The following SMURF2 variants were observed in gnomAD, a reference collection of about 807,000 sequenced individuals.
SMURF2 encodes the protein SMAD specific E3 ubiquitin protein ligase 2.
In SMURF2, 48 loss-of-function variants were observed where a neutral mutation model predicts 109.6. The ratio of observed to expected loss-of-function variants is 0.44; its 90% CI spans 0.35 to 0.56. The LOEUF (loss-of-function observed/expected upper bound fraction) is 0.56. SMURF2 is among the 20% of genes least tolerant of loss of function. SMURF2 has a pLI of 0.01. For missense variants in SMURF2, 575 were observed against 909.0 expected (o/e 0.63, Z 4.72); for synonymous variants, 288 against 317.1 (o/e 0.91, Z 0.97).
chr17:64,621,159 A>C (rs1970195573), intron 1 of SMURF2, among the ~76,000 whole-genome samples: 1 of 152,178 alleles, frequency 6.6e-6, no homozygotes, highest in Admixed American at 6.5e-5. Context: ...ACTCTGAAAA[A>C]CTGTAGTCAC....
intron 1 of SMURF2, among the ~76,000 whole-genome samples, chr17:64,650,980 G>A (rs1970630344): frequency 6.6e-6 from 1 of 151,576 alleles, no homozygotes; most frequent in African/African-American, 2.4e-5. Context: ...GGGAGGCCGA[G>A]GTAGGCTGAT....
chr17:64,565,585 A>AAT (rs1196196301), intron 10 of SMURF2, among the ~76,000 whole-genome samples: 4 of 151,774 alleles, frequency 2.6e-5, no homozygotes, highest in African/African-American at 9.7e-5. Flanking sequence ...ATAAGTAATT[A>AAT]GTGTTACTGG....
intron 2 of SMURF2, among the ~76,000 whole-genome samples, chr17:64,604,018 A>G (rs924624685): frequency 2.0e-5 from 3 of 152,228 alleles, no homozygotes; most frequent in Non-Finnish European, 2.9e-5. Context: ...TAATAACTGC[A>G]CTGATCAATA....
At chr17:64,575,211 C>T (rs1341629262) in intron 9 of SMURF2, among the ~76,000 whole-genome samples, 7 of 151,512 alleles carry the variant, frequency 4.6e-5, no homozygotes, top group East Asian at 1.9e-4. Context: ...TGGAGTGCCA[C>T]GGTGCGATCT....
At chr17:64,586,276 T>C in intron 5 of SMURF2, 106 bp from the exon 6 acceptor site, 2 of 610,396 alleles carry the variant, frequency 3.3e-6, no homozygotes, top group Non-Finnish European at 5.4e-6. Flanking sequence ...ATTTTAATAC[T>C]TTAGAATGAA....
At chr17:64,585,055 C>T (rs1969634224) in intron 6 of SMURF2, among the ~76,000 whole-genome samples, 1 of 151,992 alleles carries the variant, frequency 6.6e-6, no homozygotes, top group African/African-American at 2.4e-5. Flanking sequence ...AATACCATAA[C>T]CTGGGTATAA....
At chr17:64,646,534 C>T (rs1970562173) in intron 1 of SMURF2, among the ~76,000 whole-genome samples, 1 of 151,944 alleles carries the variant, frequency 6.6e-6, no homozygotes, top group Admixed American at 6.6e-5. Context: ...GAGGTATGCA[C>T]CACACACCAG....
At chr17:64,656,632 A>G (rs1029588677) in intron 1 of SMURF2, among the ~76,000 whole-genome samples, 2 of 152,056 alleles carry the variant, frequency 1.3e-5, no homozygotes, top group African/African-American at 2.4e-5. Context: ...ACTCAGTAAC[A>G]CTATTTTTAT....
intron 10 of SMURF2, among the ~76,000 whole-genome samples, chr17:64,567,787 A>G (rs947595489): frequency 6.6e-6 from 1 of 151,352 alleles, no homozygotes; most frequent in Non-Finnish European, 1.5e-5. Context: ...GGTTCAAGCA[A>G]TTCTCCTGCC....
intron 1 of SMURF2, among the ~76,000 whole-genome samples, chr17:64,612,026 C>T (rs889650057): frequency 1.4e-4 from 21 of 152,174 alleles, no homozygotes; most frequent in Non-Finnish European, 2.8e-4. Flanking sequence ...TTCACCTACT[C>T]ATCTCCTGGT....
chr17:64,596,573 C>G (rs1555688114), intron 3 of SMURF2, among the ~76,000 whole-genome samples: 1 of 63,716 alleles, frequency 1.6e-5, no homozygotes, highest in Non-Finnish European at 3.0e-5. Context: ...TTCACCGAAA[C>G]AGGAGAGTAA....
At chr17:64,651,647 G>A (rs1298368777) in intron 1 of SMURF2, among the ~76,000 whole-genome samples, 9 of 151,850 alleles carry the variant, frequency 5.9e-5, no homozygotes, top group Non-Finnish European at 7.4e-5. Context: ...CAGGCCAGGC[G>A]CAGCAATGGC....
chr17:64,593,030 C>T (rs1316111115), intron 4 of SMURF2: 2 of 152,332 alleles, frequency 1.3e-5, no homozygotes, highest in African/African-American at 4.8e-5. Flanking sequence ...AAAAGCATTT[C>T]ATCCACAAAT....
rs558400859 is a variant in SMURF2 at position 64,651,297 on chromosome 17, G to A, written c.52+10532C>T. On this transcript the variant is annotated intron_variant, in intron 1 of 18. Coordinates refer to ENST00000262435, the MANE Select transcript of SMURF2 (RefSeq NM_022739.4). ...GAGAAAAAATATACACATAAAGCTG[G>A]GCGCGGTGGCTCACGCCTGTAATCC... 3.3e-5 allele frequency among the ~76,000 whole-genome samples: 5 copies of A among 151,894 alleles called. No individual in the cohort carries two copies. The East Asian group carries it at 5.8e-4, about 18-fold the overall frequency.
intron 12 of SMURF2, 34 bp from the exon 13 acceptor site, chr17:64,557,756 G>T: frequency 8.2e-7 from 1 of 1,213,250 alleles, no homozygotes; most frequent in Non-Finnish European, 1.2e-6. Flanking sequence ...GAATTTTTTT[G>T]TTAATGTATA....
intron 1 of SMURF2, among the ~76,000 whole-genome samples, chr17:64,620,234 G>C (rs1214597302): frequency 3.9e-5 from 6 of 152,080 alleles, no homozygotes; most frequent in Non-Finnish European, 8.8e-5. Flanking sequence ...AATACATCTA[G>C]AGTATTTTAC....
rs782309852 is a variant in SMURF2 at position 64,571,890 on chromosome 17, C to T, written c.924G>A (p.Thr308=). The T allele has an allele frequency of 4.3e-5, 69 of 1,613,674 alleles. No homozygotes were observed. The highest frequency in any genetic ancestry group is 5.5e-5 in the Non-Finnish European group (65 of 1,179,866). The change falls in exon 10 of 19, where the codon ACG becomes ACA. Residue 308 remains threonine, a synonymous_variant. Coordinates refer to ENST00000262435, the MANE Select transcript of SMURF2 (RefSeq NM_022739.4). ...CAACGAAATAAACTCTGCCTGTTGCCGTATTACGGATCTCCCATCCAGGAG... is the reference window on the plus strand; with the variant it reads ...CAACGAAATAAACTCTGCCTGTTGCTGTATTACGGATCTCCCATCCAGGAG... ...PLPPGWEIRN[T]ATGRVYFVDH...
intron 12 of SMURF2, chr17:64,560,982 A>G (rs1162632266): frequency 6.4e-6 from 1 of 155,384 alleles, no homozygotes; most frequent in Non-Finnish European, 1.4e-5. Flanking sequence ...AAAAAAAAAA[A>G]AAAAAAAGAA....
intron 9 of SMURF2, among the ~76,000 whole-genome samples, chr17:64,576,635 G>A (rs1014367830): frequency 4.6e-5 from 7 of 150,942 alleles, no homozygotes; most frequent in Non-Finnish European, 8.8e-5. Flanking sequence ...CTGCACTCCC[G>A]CCTGGACAAC....
Sources: allele counts gnomAD v4.1 joint callset (sites outside exome capture counted in the v4.1 genomes callset), GRCh38; gene constraint gnomAD v4.1.1; transcripts MANE v1.5; gene names NCBI Gene and HGNC (gene_info 2026-07-23, HGNC 2026-07-21).